The following SNX25 variants were observed in gnomAD, a reference collection of about 807,000 sequenced individuals.
SNX25 encodes the protein sorting nexin 25.
Under a neutral mutation model 113.7 loss-of-function variants are expected in SNX25, and 62 were observed. The ratio of observed to expected loss-of-function variants is 0.55; its 90% CI spans 0.44 to 0.67. The LOEUF is 0.67. Ranked by LOEUF, SNX25 falls within the 30% of genes least tolerant of loss-of-function variation. The pLI is 0.00. For missense variants in SNX25, 1,014 were observed against 1,161.0 expected, an observed-to-expected ratio of 0.87 and a Z score of 1.84; for synonymous variants, 421 against 436.2, an observed-to-expected ratio of 0.97 and a Z score of 0.43.
In SNX25 at chr4:185,332,631, G is replaced by A. The variant is rs371832509; in HGVS notation, c.1786G>A (p.Asp596Asn). The change falls in exon 10 of 19, where the codon GAT (aspartate) becomes AAT (asparagine). Residue 596 changes from aspartate to asparagine, a missense_variant. Transcript: ENST00000652585. ...TGAGGCTGGTGAGGAAGCCGTGGAT[G>A]ATGGTACCAATCAGATCAATGAACA... ...RDEAGEEAVD[D>N]GTNQINEQAS... 5.6e-6 allele frequency: 9 copies of A among 1,613,706 alleles called. No homozygotes were observed. Among genetic ancestry groups the A allele is most frequent in the Admixed American group, 1.7e-5 (1 of 59,990 alleles).
intron 10 of SNX25, among the ~76,000 whole-genome samples, chr4:185,336,828 C>CT (rs993078886): frequency 6.6e-6 from 1 of 152,056 alleles, no homozygotes; most frequent in Non-Finnish European, 1.5e-5. Context: ...CATCTACTAT[C>CT]TTTTTATTTT....
At chr4:185,374,176 C>T (rs182461835), downstream of SNX25, 12 of 1,614,068 alleles carry the variant, frequency 7.4e-6, no homozygotes, top group Admixed American at 6.7e-5. Context: ...TAATACAGCC[C>T]GAGCATACTT....
intron 1 of SNX25, among the ~76,000 whole-genome samples, chr4:185,215,325 C>T (rs1738639652): frequency 6.6e-6 from 1 of 152,190 alleles, no homozygotes; most frequent in Non-Finnish European, 1.5e-5. Context: ...ACTCCCTTCC[C>T]TGCCCTCTCC....
chr4:185,256,141 T>G (rs1746390248), intron 2 of SNX25, among the ~76,000 whole-genome samples: 2 of 152,190 alleles, frequency 1.3e-5, no homozygotes, highest in South Asian at 4.1e-4. Flanking sequence ...TGATTCCACC[T>G]TACAGACTAG....
chr4:185,358,188 A>G (rs2095347242), intron 16 of SNX25, among the ~76,000 whole-genome samples: 1 of 152,238 alleles, frequency 6.6e-6, no homozygotes. Flanking sequence ...GTTGTGTAGC[A>G]CTGAAGTGCT....
intron 6 of SNX25, among the ~76,000 whole-genome samples, chr4:185,302,091 G>GGTT (rs1753767525): frequency 9.2e-6 from 1 of 108,334 alleles, no homozygotes; most frequent in Non-Finnish European, 2.0e-5. Flanking sequence ...GTGTGTGTGT[G>GGTT]TTTTTTTTGT....
upstream of SNX25, among the ~76,000 whole-genome samples, chr4:185,208,685 C>G: frequency 6.6e-6 from 1 of 151,634 alleles, no homozygotes; most frequent in East Asian, 2.0e-4. Flanking sequence ...CCGAGATCGC[C>G]CCACTGCACT....
chr4:185,378,153 G>C, the SNX25 span: 1 of 1,613,926 alleles, frequency 6.2e-7, no homozygotes, highest in Non-Finnish European at 8.5e-7. Context: ...GCATAAAAGG[G>C]GTTCTTGGGC....
intron 13 of SNX25, among the ~76,000 whole-genome samples, chr4:185,347,996 T>C (rs1343436466): frequency 4.6e-5 from 7 of 152,224 alleles, no homozygotes; most frequent in Admixed American, 4.6e-4. Flanking sequence ...GGTTAATGCC[T>C]TTTGCACCTA....
chr4:185,206,925 G>A (rs1251648983), upstream of SNX25, among the ~76,000 whole-genome samples: 2 of 152,170 alleles, frequency 1.3e-5, no homozygotes, highest in South Asian at 2.1e-4. Context: ...TGAGAACCCA[G>A]GAGGCTGCTA....
At position 185,224,457 on chromosome 4, in the gene SNX25, A is replaced by C. The variant is rs1353724061; in HGVS notation, c.429+14202A>C. 1.2e-4 allele frequency among the ~76,000 whole-genome samples: 3 copies of C among 25,876 alleles called. No individual in the cohort carries two copies. The Admixed American group carries it at 1.5e-3, about 13-fold the overall frequency. The allele number at this position is 25,876 out of a possible 152,430, so 17.0% of individuals were successfully genotyped here. ...TATATAGATATATAAATATATATAT[A>C]GATATATAAATATATAAATATATAG... On this transcript the variant is annotated intron_variant, in intron 1 of 18. Transcript: ENST00000652585.
chr4:185,268,414 G>C (rs192727777), intron 5 of SNX25, among the ~76,000 whole-genome samples: 144 of 152,136 alleles, frequency 9.5e-4, no homozygotes, highest in Non-Finnish European at 1.8e-3. Context: ...GTGTATTTTT[G>C]TGTATTTTTA....
chr4:185,378,151 G>A, the SNX25 span: 1 of 1,613,926 alleles, frequency 6.2e-7, no homozygotes, highest in Non-Finnish European at 8.5e-7. Flanking sequence ...AGGCATAAAA[G>A]GGGTTCTTGG....
At chr4:185,253,593 G>A (rs775084464) in intron 2 of SNX25, among the ~76,000 whole-genome samples, 3 of 151,620 alleles carry the variant, frequency 2.0e-5, no homozygotes, top group Non-Finnish European at 4.4e-5. Context: ...TCAGCCTCCC[G>A]AGTTGCTTGA....
At chr4:185,240,927 T>A (rs1306627225) in intron 1 of SNX25, among the ~76,000 whole-genome samples, 2 of 143,780 alleles carry the variant, frequency 1.4e-5, no homozygotes, top group East Asian at 2.1e-4. Context: ...ATGGGCGGCC[T>A]GGCAGAGATG....
At chr4:185,246,632 C>G (rs1744905075) in intron 1 of SNX25, among the ~76,000 whole-genome samples, 2 of 152,146 alleles carry the variant, frequency 1.3e-5, no homozygotes. Context: ...TACATTGTTA[C>G]AGATACTGTC....
At chr4:185,352,745 TGTAA>T (rs1333563300) in intron 14 of SNX25, among the ~76,000 whole-genome samples, 5 of 152,280 alleles carry the variant, frequency 3.3e-5, no homozygotes, top group East Asian at 1.9e-4. Context: ...GCTCGCCTGA[TGTAA>T]GTAAGTATCT....
chr4:185,350,303 C>CA (rs1160952413), intron 13 of SNX25, among the ~76,000 whole-genome samples: 2 of 152,244 alleles, frequency 1.3e-5, no homozygotes, highest in Non-Finnish European at 2.9e-5. Flanking sequence ...CCACCTCCCC[C>CA]ACACTCTGTC....
At chr4:185,369,227 CTTTT>C (rs35543353) in intron 11 of SNX25, among the ~76,000 whole-genome samples, 1 of 100,926 alleles carries the variant, frequency 9.9e-6, no homozygotes, top group African/African-American at 4.2e-5. Context: ...ATACAGAGAG[CTTTT>C]TTTTTTTTTT....
Sources: allele counts gnomAD v4.1 joint callset (sites outside exome capture counted in the v4.1 genomes callset), GRCh38; gene constraint gnomAD v4.1.1; transcripts MANE v1.5; gene names NCBI Gene and HGNC (gene_info 2026-07-23, HGNC 2026-07-21).